ANO3: variants seen among roughly 807,000 people sequenced by gnomAD.
ANO3 encodes anoctamin-3.
In ANO3, 99 loss-of-function variants were observed where a neutral mutation model predicts 144.8. The observed-to-expected ratio is 0.68, with a 90% CI of 0.58 to 0.81. The LOEUF is 0.81. Ranked by LOEUF, ANO3 falls within the 30% of genes least tolerant of loss-of-function variation. The pLI, the probability that ANO3 is intolerant of heterozygous loss-of-function variation, is 0.00. For missense variants in ANO3, 905 were observed against 1,202.2 expected, an observed-to-expected ratio of 0.75 and a Z score of 3.66; for synonymous variants, 414 against 392.6, an observed-to-expected ratio of 1.05 and a Z score of -0.64.
chr11:26,222,606 G>A (rs936052180), intron 1 of ANO3, among the ~76,000 whole-genome samples: 24 of 152,194 alleles, frequency 1.6e-4, no homozygotes, highest in African/African-American at 4.8e-4. Flanking sequence ...GGTTTCTGCC[G>A]GAGAATCCAG....
At chr11:26,523,053 GCTT>G (rs1862148140) in intron 6 of ANO3, among the ~76,000 whole-genome samples, 2 of 152,120 alleles carry the variant, frequency 1.3e-5, no homozygotes, top group Non-Finnish European at 2.9e-5. Context: ...GCCTTGGAAA[GCTT>G]AACAATCATG....
chr11:26,429,245 G>A (rs1858008690), intron 1 of ANO3, among the ~76,000 whole-genome samples: 1 of 152,158 alleles, frequency 6.6e-6, no homozygotes, highest in Admixed American at 6.6e-5. Context: ...GAAGATGAGA[G>A]TGCTGCAGGA....
At chr11:26,591,949 C>T (rs2132896232) in intron 14 of ANO3, among the ~76,000 whole-genome samples, 1 of 152,110 alleles carries the variant, frequency 6.6e-6, no homozygotes, top group East Asian at 1.9e-4. Context: ...AGGGTCCTTC[C>T]CAGGATGTAT....
intron 14 of ANO3, among the ~76,000 whole-genome samples, chr11:26,595,467 T>TG (rs1565130568): frequency 5.5e-5 from 8 of 144,342 alleles, no homozygotes; most frequent in African/African-American, 2.1e-4. Flanking sequence ...GTTGTTTTTT[T>TG]TTTTTTTTTT....
chr11:26,571,971 T>C (rs1850845412), intron 14 of ANO3: 1 of 607,398 alleles, frequency 1.6e-6, no homozygotes, highest in Non-Finnish European at 2.1e-6. Context: ...TGGTAAATAA[T>C]CAAGGAAGAG....
chr11:26,488,747 C>G (rs781539835), intron 4 of ANO3, among the ~76,000 whole-genome samples: 1 of 152,078 alleles, frequency 6.6e-6, no homozygotes, highest in Non-Finnish European at 1.5e-5. Flanking sequence ...TAGTGTGGAC[C>G]CAAAGAGTGA....
intron 18 of ANO3, among the ~76,000 whole-genome samples, chr11:26,626,668 A>C (rs1852595079): frequency 6.6e-6 from 1 of 152,020 alleles, no homozygotes; most frequent in South Asian, 2.1e-4. Flanking sequence ...TAATCTGAAA[A>C]CTCAGAAACT....
chr11:26,597,527 G>A (rs1402431002), intron 14 of ANO3, among the ~76,000 whole-genome samples: 1 of 152,142 alleles, frequency 6.6e-6, no homozygotes. Context: ...CGGTGGGTCT[G>A]TGACAGTGGC....
At chr11:26,608,370 C>T (rs751208610) in intron 17 of ANO3, among the ~76,000 whole-genome samples, 14 of 152,154 alleles carry the variant, frequency 9.2e-5, no homozygotes, top group Non-Finnish European at 8.8e-5. Context: ...AAGGATTTCT[C>T]CTGCATAGGG....
In ANO3 at chr11:26,301,143, C is replaced by G. The variant is rs535582771; in HGVS notation, c.155-8502C>G. On this transcript the variant is annotated intron_variant, in intron 1 of 27. Coordinates refer to the ANO3 transcript ENST00000672621. Reference sequence around the variant, plus strand: ...CTGGGATTACAAGTGTGAGCCACCACGCCCAGCCTCTTTACTTTCTTAATT... The same window carrying G: ...CTGGGATTACAAGTGTGAGCCACCAGGCCCAGCCTCTTTACTTTCTTAATT... 4.6e-5 allele frequency among the ~76,000 whole-genome samples: 7 copies of G among 151,842 alleles called. 1 individual carries two copies. In the East Asian group the frequency reaches 1.4e-3, roughly 30 times the overall value.
At chr11:26,521,807 A>T (rs991083913) in intron 6 of ANO3, among the ~76,000 whole-genome samples, 1 of 152,196 alleles carries the variant, frequency 6.6e-6, no homozygotes, top group Non-Finnish European at 1.5e-5. Context: ...TGGAGTACCC[A>T]GATAGGGCCA....
intron 14 of ANO3, among the ~76,000 whole-genome samples, chr11:26,567,850 C>T (rs560050019): frequency 1.2e-4 from 19 of 152,014 alleles, no homozygotes; most frequent in African/African-American, 3.9e-4. Context: ...CTGTATGCAA[C>T]GACATGGATG....
chr11:26,249,289 C>A (rs1852871510), intron 1 of ANO3, among the ~76,000 whole-genome samples: 1 of 152,078 alleles, frequency 6.6e-6, no homozygotes. Flanking sequence ...TTTGTGAAAG[C>A]AACAGGTTAC....
intron 1 of ANO3, among the ~76,000 whole-genome samples, chr11:26,270,071 T>G (rs920144392): frequency 3.9e-5 from 6 of 152,186 alleles, no homozygotes; most frequent in African/African-American, 1.4e-4. Context: ...CATGCTGATC[T>G]TGCCAAAGAA....
At position 26,610,910 on chromosome 11, in the gene ANO3, C is replaced by A. The variant is rs550827013; in HGVS notation, c.1836+11196C>A. Among the ~76,000 whole-genome samples the A allele has an allele frequency of 1.9e-4, 29 of 152,162 alleles. No individual in the cohort carries two copies. The South Asian group carries it at 5.6e-3, about 29-fold the overall frequency. On this transcript the variant is annotated intron_variant, in intron 17 of 26. Transcript: ENST00000256737. ...AATCTATCCAGTTCATCTATGTTCG[C>A]AAACTTTTTGGTGTATAATTGTTCA... is the stretch of plus-strand genomic sequence containing the variant.
intron 1 of ANO3, among the ~76,000 whole-genome samples, chr11:26,296,860 G>C (rs10834957): frequency 0.25 from 37,872 of 151,718 alleles, 6,731 homozygotes; most frequent in African/African-American, 0.51. Context: ...TGTGACTTTG[G>C]TCTGAGCCTT....
chr11:26,467,817 A>C (rs1485257572), intron 4 of ANO3, among the ~76,000 whole-genome samples: 1 of 151,910 alleles, frequency 6.6e-6, no homozygotes, highest in Non-Finnish European at 1.5e-5. Flanking sequence ...TCTTGACAAA[A>C]GGCTTTTTCA....
Position 26,455,692 on chromosome 11 carries a change from T to C in ANO3, c.314-7338T>C, listed in dbSNP as rs908157336. ...AATGCCATCCCCGTCAAGCTACCAA[T>C]GACTTTCTTCACAGAATTGGAAAAA... On this transcript the variant is annotated intron_variant, in intron 3 of 26. Transcript: ENST00000256737. 9.3e-5 allele frequency among the ~76,000 whole-genome samples: 14 copies of C among 150,054 alleles called. 1 individual carries two copies. Among genetic ancestry groups the C allele is most frequent in the African/African-American group, 3.4e-4 (14 of 41,478 alleles).
chr11:26,246,117 G>A (rs1011470063), intron 1 of ANO3, among the ~76,000 whole-genome samples: 1 of 152,132 alleles, frequency 6.6e-6, no homozygotes, highest in East Asian at 1.9e-4. Flanking sequence ...AGGTAAGGGA[G>A]ACCTTAAGGC....
Sources: gnomAD v4.1 joint callset for allele counts (sites outside exome capture counted in the v4.1 genomes callset) on GRCh38, gnomAD v4.1.1 for gene constraint, MANE v1.5 for transcripts, NCBI Gene and HGNC (gene_info 2026-07-23, HGNC 2026-07-21) for gene names.